The following SCN8A variants were observed in gnomAD, a reference collection of about 807,000 sequenced individuals.
SCN8A encodes the protein sodium voltage-gated channel alpha subunit 8, also known as sodium channel protein type 8 subunit alpha.
Under a neutral mutation model 184.1 loss-of-function variants are expected in SCN8A, and 30 were observed. That is an observed-to-expected ratio of 0.16 (90% CI 0.12 to 0.22). SCN8A has a LOEUF of 0.22. SCN8A is among the 10% of genes least tolerant of loss of function. The probability of loss-of-function intolerance (pLI) is 1.00; values close to 1 mark genes in which losing one functional copy is unlikely to be tolerated. For synonymous variants in SCN8A, 852 were observed against 907.0 expected, an observed-to-expected ratio of 0.94 and a Z score of 1.09; for missense variants, 1,057 against 2,498.9, an observed-to-expected ratio of 0.42 and a Z score of 12.30.
intron 1 of SCN8A, among the ~76,000 whole-genome samples, chr12:51,659,158 G>C (rs571575906): frequency 6.6e-6 from 1 of 152,290 alleles, no homozygotes; most frequent in African/African-American, 2.4e-5. Flanking sequence ...ATGAACTACT[G>C]CTACACATAT....
chr12:51,656,748 C>T (rs1007832513), intron 1 of SCN8A, among the ~76,000 whole-genome samples: 2 of 151,662 alleles, frequency 1.3e-5, no homozygotes, highest in African/African-American at 4.8e-5. Flanking sequence ...TGAGAAAATG[C>T]ATCAGTATCA....
At position 51,721,081 on chromosome 12, in the gene SCN8A, T is replaced by TTATATATATA. The variant is rs58356368; in HGVS notation, c.1636-448_1636-439dup. ...AAACTCCATCTCAAAAAAAAAAAAA[T>TTATATATATA]TATATATATATATATATATATATAT... is the stretch of plus-strand genomic sequence containing the variant. On this transcript the variant is annotated intron_variant, in intron 11 of 26. Coordinates refer to ENST00000627620, the MANE Select transcript of SCN8A (RefSeq NM_001330260.2). Among the ~76,000 whole-genome samples the TTATATATATA allele has an allele frequency of 2.9e-3, 252 of 86,762 alleles. 4 individuals carry two copies. Among genetic ancestry groups the TTATATATATA allele is most frequent in the South Asian group, 0.011 (30 of 2,818 alleles). The allele number at this position is 86,762 out of a possible 152,430, so 56.9% of individuals were successfully genotyped here.
At chr12:51,733,018 C>T (rs1942267438) in intron 12 of SCN8A, among the ~76,000 whole-genome samples, 2 of 152,122 alleles carry the variant, frequency 1.3e-5, no homozygotes, top group African/African-American at 4.8e-5. Flanking sequence ...AATTTGACTT[C>T]TTCCTTTCCG....
At chr12:51,799,369 T>C (rs1208067639) in intron 26 of SCN8A, among the ~76,000 whole-genome samples, 1 of 152,158 alleles carries the variant, frequency 6.6e-6, no homozygotes, top group Non-Finnish European at 1.5e-5. Flanking sequence ...TGAGAGGCGG[T>C]TCAGGCCACA....
At chr12:51,591,458 C>A (rs377513284) in intron 1 of SCN8A, 99 bp downstream of exon 1, 1 of 152,880 alleles carries the variant, frequency 6.5e-6, no homozygotes, top group South Asian at 2.0e-4. Context: ...CATCTCCAGT[C>A]AGGGGCTTTG....
At chr12:51,758,998 G>GTATA (rs1218916756) in intron 14 of SCN8A, among the ~76,000 whole-genome samples, 2 of 151,338 alleles carry the variant, frequency 1.3e-5, no homozygotes, top group African/African-American at 4.9e-5. Context: ...GTGTGTGTGT[G>GTATA]TGTATATATA....
intron 22 of SCN8A, among the ~76,000 whole-genome samples, chr12:51,788,286 C>CTTTTT (rs1565926611): frequency 1.1e-5 from 1 of 92,262 alleles, no homozygotes; most frequent in Non-Finnish European, 2.0e-5. Flanking sequence ...TCGCTTAACA[C>CTTTTT]CTTTTTTTTT....
chr12:51,725,958 A>G (rs1592409195), intron 12 of SCN8A, among the ~76,000 whole-genome samples: 1 of 152,342 alleles, frequency 6.6e-6, no homozygotes, highest in East Asian at 1.9e-4. Flanking sequence ...GTGGCATAGG[A>G]GCCACTGATA....
chr12:51,715,964 A>C lies in SCN8A; in HGVS notation c.1636-5582A>C, dbSNP rs186205072. Among the ~76,000 whole-genome samples, 13 of 152,338 alleles carry C rather than the reference A, an allele frequency of 8.5e-5. No individual in the cohort carries two copies. In the East Asian group the frequency reaches 2.1e-3, roughly 25 times the overall value. ...ACTCTGGGAGATATAAGGATGAATCAGTCAATGTGCCCTTAAGGAGTTTGT... is the reference window on the plus strand; with the variant it reads ...ACTCTGGGAGATATAAGGATGAATCCGTCAATGTGCCCTTAAGGAGTTTGT... On this transcript the variant is annotated intron_variant, in intron 11 of 26. Transcript: ENST00000627620.
intron 25 of SCN8A, among the ~76,000 whole-genome samples, chr12:51,793,826 C>T (rs1437258110): frequency 1.3e-5 from 2 of 151,888 alleles, no homozygotes; most frequent in African/African-American, 4.8e-5. Flanking sequence ...CCAGCCTGGG[C>T]AACACAGTAA....
chr12:51,640,171 A>T (rs1280076338), intron 1 of SCN8A, among the ~76,000 whole-genome samples: 6 of 129,028 alleles, frequency 4.7e-5, no homozygotes, highest in Admixed American at 2.6e-4. Flanking sequence ...TTGACCTCAC[A>T]AAGTGCTGGG....
intron 12 of SCN8A, among the ~76,000 whole-genome samples, chr12:51,739,898 T>C (rs895527638): frequency 6.6e-6 from 1 of 152,188 alleles, no homozygotes; most frequent in African/African-American, 2.4e-5. Context: ...CAAACAGAGA[T>C]TTACCCGCGT....
intron 6 of SCN8A, among the ~76,000 whole-genome samples, chr12:51,697,256 A>G (rs1485139254): frequency 1.3e-5 from 2 of 152,136 alleles, no homozygotes; most frequent in Admixed American, 6.5e-5. Flanking sequence ...TCACTCTAAG[A>G]AAGCACAGGA....
chr12:51,676,038 A>G (rs1451272831), intron 2 of SCN8A, among the ~76,000 whole-genome samples: 1 of 152,206 alleles, frequency 6.6e-6, no homozygotes, highest in Non-Finnish European at 1.5e-5. Flanking sequence ...TACGGGATTT[A>G]GTGGTCTCTT....
chr12:51,789,250 A>G (rs1565927028), intron 23 of SCN8A, 31 bp from the exon 24 acceptor site: 5 of 1,612,636 alleles, frequency 3.1e-6, no homozygotes, highest in Non-Finnish European at 3.4e-6. Context: ...CTAGGAGCTG[A>G]TTCTCTTCCT....
At chr12:51,657,942 A>T (rs929697193) in intron 1 of SCN8A, among the ~76,000 whole-genome samples, 5 of 151,896 alleles carry the variant, frequency 3.3e-5, no homozygotes, top group Admixed American at 6.6e-5. Flanking sequence ...TGTGGATTTA[A>T]TTCTGTGTTT....
chr12:51,719,606 A>G (rs1304909587), intron 11 of SCN8A, among the ~76,000 whole-genome samples: 3 of 74,492 alleles, frequency 4.0e-5, no homozygotes, highest in African/African-American at 5.8e-5. Context: ...CCAAGGCAGG[A>G]GGATCACTTG....
At chr12:51,705,385 A>G in intron 9 of SCN8A, 32 bp from the exon 10 acceptor site, 2 of 1,609,560 alleles carry the variant, frequency 1.2e-6, no homozygotes, top group East Asian at 2.2e-5. Flanking sequence ...ATTTGGTACA[A>G]GTGACTCAGA....
chr12:51,693,704 A>G (rs969213773), intron 6 of SCN8A, among the ~76,000 whole-genome samples: 1 of 152,194 alleles, frequency 6.6e-6, no homozygotes, highest in African/African-American at 2.4e-5. Flanking sequence ...AGGAAAAGTC[A>G]ACACAGCACA....
Sources: allele counts gnomAD v4.1 joint callset (sites outside exome capture counted in the v4.1 genomes callset), GRCh38; gene constraint gnomAD v4.1.1; transcripts MANE v1.5; gene names NCBI Gene and HGNC (gene_info 2026-07-23, HGNC 2026-07-21).